The following CHRNA7 variants were observed in gnomAD, a reference collection of about 807,000 sequenced individuals.
CHRNA7 encodes cholinergic receptor nicotinic alpha 7 subunit.
A neutral mutation model predicts 48.0 loss-of-function variants in CHRNA7; 17 were observed. That is an observed-to-expected ratio of 0.35 (90% CI 0.24 to 0.53). The LOEUF (loss-of-function observed/expected upper bound fraction) is 0.53. Among genes scored for constraint, CHRNA7 ranks in the 20% least tolerant of loss-of-function variants. The probability of loss-of-function intolerance (pLI) is 0.92; values close to 1 mark genes in which losing one functional copy is unlikely to be tolerated. For synonymous variants in CHRNA7, 75 were observed against 242.3 expected (o/e 0.31, Z 6.41); for missense variants, 155 against 577.7 (o/e 0.27, Z 7.50).
chr15:32,049,294 G>A (rs1449225641), intron 2 of CHRNA7, among the ~76,000 whole-genome samples: 3 of 151,870 alleles, frequency 2.0e-5, no homozygotes, highest in African/African-American at 4.8e-5. Flanking sequence ...TCTCTTTGTA[G>A]GTCACTCAGG....
At chr15:32,147,304 C>T (rs1453158012) in intron 4 of CHRNA7, among the ~76,000 whole-genome samples, 1 of 152,186 alleles carries the variant, frequency 6.6e-6, no homozygotes, top group Non-Finnish European at 1.5e-5. Context: ...CTGCTCACTG[C>T]CTGGGTGATG....
intron 4 of CHRNA7, among the ~76,000 whole-genome samples, chr15:32,151,831 C>T (rs1317913495): frequency 6.6e-6 from 1 of 152,030 alleles, no homozygotes; most frequent in Non-Finnish European, 1.5e-5. Context: ...CACTGTGTGT[C>T]GCATGCTGAA....
chr15:32,103,438 A>G (rs2050608317), intron 3 of CHRNA7, among the ~76,000 whole-genome samples: 1 of 151,964 alleles, frequency 6.6e-6, no homozygotes, highest in African/African-American at 2.4e-5. Context: ...AAAGAAAAAG[A>G]AAATGGATGT....
chr15:32,140,599 T>A lies in CHRNA7; in HGVS notation c.351-13308T>A, dbSNP rs546532810. The stretch of plus-strand genomic sequence containing the variant: ...TAGCATCTGTTGTTTCCTGACTTTT[T>A]AATGATTGCCATTCTAACTGGTGTG... On this transcript the variant is annotated intron_variant, in intron 4 of 9. Transcript: ENST00000306901. Among the ~76,000 whole-genome samples, 41 of 152,354 alleles carry A rather than the reference T, an allele frequency of 2.7e-4. 2 individuals are homozygous for A. The South Asian group carries it at 8.5e-3, about 32-fold the overall frequency.
At chr15:32,049,169 G>A (rs1443758042) in intron 2 of CHRNA7, among the ~76,000 whole-genome samples, 2 of 151,818 alleles carry the variant, frequency 1.3e-5, no homozygotes, top group African/African-American at 4.9e-5. Flanking sequence ...GGTCTGCTTG[G>A]TGCAGAGCTG....
At chr15:32,081,242 A>G in intron 2 of CHRNA7, among the ~76,000 whole-genome samples, 1 of 152,208 alleles carries the variant, frequency 6.6e-6, no homozygotes, top group East Asian at 1.9e-4. Context: ...ACCATGGCAC[A>G]TGTTTACCTG....
intron 2 of CHRNA7, among the ~76,000 whole-genome samples, chr15:32,076,779 A>ATT (rs1287321123): frequency 6.6e-6 from 1 of 152,032 alleles, no homozygotes; most frequent in Non-Finnish European, 1.5e-5. Context: ...CTGACACATC[A>ATT]TTGTCACCCA....
At chr15:32,046,839 T>G (rs2049558226) in intron 2 of CHRNA7, among the ~76,000 whole-genome samples, 1 of 151,994 alleles carries the variant, frequency 6.6e-6, no homozygotes, top group Non-Finnish European at 1.5e-5. Context: ...CTTGAATTAA[T>G]TTTTGTATAA....
In CHRNA7 at chr15:32,147,596, C is replaced by CT. The variant is rs1462944267; in HGVS notation, c.351-6304dup. The stretch of plus-strand genomic sequence containing the variant: ...AATAATATAAATAAGTAAATATTTT[C>CT]TTTTTTTAAAAAAAGGAAATATTCT... On this transcript the variant is annotated intron_variant, in intron 4 of 9. Transcript: ENST00000306901. 4.6e-5 allele frequency among the ~76,000 whole-genome samples: 7 copies of CT among 151,976 alleles called. No homozygotes were observed. The East Asian group carries it at 1.2e-3, about 25-fold the overall frequency.
chr15:32,138,811 T>G (rs1490319310), intron 4 of CHRNA7, among the ~76,000 whole-genome samples: 1 of 151,276 alleles, frequency 6.6e-6, no homozygotes, highest in Non-Finnish European at 1.5e-5. Context: ...TGGAGTGCAG[T>G]GGTGCGATCT....
intron 6 of CHRNA7, 129 bp from the exon 7 acceptor site, chr15:32,158,283 C>CA: frequency 1.3e-6 from 1 of 759,998 alleles, no homozygotes; most frequent in Non-Finnish European, 1.8e-6. Context: ...TAATTACAAC[C>CA]CCCCCCTTTT....
At chr15:32,140,530 C>A (rs1463801105) in intron 4 of CHRNA7, among the ~76,000 whole-genome samples, 1 of 152,206 alleles carries the variant, frequency 6.6e-6, no homozygotes, top group Non-Finnish European at 1.5e-5. Flanking sequence ...AGTTTACACT[C>A]CCACCAGCAG....
Position 32,114,047 on chromosome 15 carries a change from T to TATATATAC in CHRNA7, c.350+2155_350+2156insCATATATA, listed in dbSNP as rs1327028798. ...ATATATATATATATATATATATGTATATATATATATATACATATATATATA... is the reference window on the plus strand; with the variant it reads ...ATATATATATATATATATATATGTATATATATACATATATATATATACATATATATATA... On this transcript the variant is annotated intron_variant, in intron 4 of 9. Coordinates refer to ENST00000306901, the MANE Select transcript of CHRNA7 (RefSeq NM_000746.6). Among the ~76,000 whole-genome samples, 116 of 49,262 alleles carry TATATATAC rather than the reference T, an allele frequency of 2.4e-3. 1 individual carries two copies. Among genetic ancestry groups the TATATATAC allele is most frequent in the Admixed American group, 6.6e-3 (18 of 2,728 alleles). 32.3% of individuals were successfully genotyped at this position (49,262 alleles called of 152,430 possible).
At chr15:32,114,197 A>G (rs2050828831) in intron 4 of CHRNA7, among the ~76,000 whole-genome samples, 1 of 151,424 alleles carries the variant, frequency 6.6e-6, no homozygotes, top group African/African-American at 2.4e-5. Context: ...ATGTTGGTGG[A>G]ATCTTATTAA....
intron 2 of CHRNA7, among the ~76,000 whole-genome samples, chr15:32,044,640 T>C (rs1262698630): frequency 1.3e-5 from 2 of 152,228 alleles, no homozygotes; most frequent in African/African-American, 4.8e-5. Context: ...GGACAATGAT[T>C]ACATGTTCAC....
rs771878815 is a variant in CHRNA7 at position 32,030,605 on chromosome 15, C to T, written c.11C>T (p.Ser4Leu). 7 of 1,557,084 alleles carry T rather than the reference C, an allele frequency of 4.5e-6. No homozygotes were observed. Among genetic ancestry groups the T allele is most frequent in the Non-Finnish European group, 5.2e-6 (6 of 1,158,614 alleles). ...GCTCCGGGACTCAACATGCGCTGCTCGCCGGGAGGCGTCTGGCTGGCGCTG... is the reference window on the plus strand; with the variant it reads ...GCTCCGGGACTCAACATGCGCTGCTTGCCGGGAGGCGTCTGGCTGGCGCTG... MRC[S>L]PGGVWLALAA... The change falls in exon 1 of 10, where the codon TCG (serine) becomes TTG (leucine). Residue 4 changes from serine to leucine, a missense_variant. Coordinates refer to ENST00000306901, the MANE Select transcript of CHRNA7 (RefSeq NM_000746.6).
chr15:32,044,132 A>G (rs573677592), intron 2 of CHRNA7, among the ~76,000 whole-genome samples: 11 of 152,282 alleles, frequency 7.2e-5, no homozygotes, highest in African/African-American at 2.4e-4. Flanking sequence ...TTTTGCTATG[A>G]TAAGAATATG....
In CHRNA7 at chr15:32,061,573, C is replaced by T. The variant is rs140050569; in HGVS notation, c.195+30536C>T. 2.4e-3 allele frequency among the ~76,000 whole-genome samples: 358 copies of T among 152,130 alleles called. 2 individuals carry two copies. The highest frequency in any genetic ancestry group is 8.2e-3 in the African/African-American group (342 of 41,510). ...CTGCAATTCCAGCCCTTTGGGAGGC[C>T]GAGGGGGGTGAATCACTTGAGGTAA... is the stretch of plus-strand genomic sequence containing the variant. On this transcript the variant is annotated intron_variant, in intron 2 of 9. Coordinates refer to ENST00000306901, the MANE Select transcript of CHRNA7 (RefSeq NM_000746.6).
rs557062396 is a variant in CHRNA7 at position 32,049,714 on chromosome 15, G to A, written c.195+18677G>A. Among the ~76,000 whole-genome samples the A allele has an allele frequency of 2.8e-3, 419 of 152,260 alleles. 9 individuals are homozygous for A. The East Asian group carries it at 0.069, about 25-fold the overall frequency. ...ATGATGTTAGCTGGTTATTTTGCTT[G>A]TTAGTTGATGCAGTTTCTTCCTAGT... On this transcript the variant is annotated intron_variant, in intron 2 of 9. Coordinates refer to ENST00000306901, the MANE Select transcript of CHRNA7 (RefSeq NM_000746.6).
Sources: allele counts gnomAD v4.1 joint callset (sites outside exome capture counted in the v4.1 genomes callset), GRCh38; gene constraint gnomAD v4.1.1; transcripts MANE v1.5; gene names NCBI Gene and HGNC (gene_info 2026-07-23, HGNC 2026-07-21).